The following COX15 variants were observed in gnomAD, a reference collection of about 807,000 sequenced individuals.
COX15 encodes heme A synthase COX15.
In COX15, 51 loss-of-function variants were observed where a neutral mutation model predicts 51.9. The observed-to-expected ratio is 0.98, with a 90% CI of 0.78 to 1.24. COX15 has a LOEUF of 1.24. COX15 is among the 50% of genes most tolerant of loss of function. The pLI is 0.00. For synonymous variants in COX15, 188 were observed against 190.5 expected, an observed-to-expected ratio of 0.99 and a Z score of 0.11; for missense variants, 420 against 501.1, an observed-to-expected ratio of 0.84 and a Z score of 1.55.
the COX15 span, among the ~76,000 whole-genome samples, chr10:99,694,352 G>A: frequency 3.3e-5 from 5 of 152,204 alleles, no homozygotes; most frequent in African/African-American, 7.2e-5. Context: ...CAGCCATCTC[G>A]TGGTATGGGT....
chr10:99,707,100 G>T (rs1485297917), downstream of COX15, among the ~76,000 whole-genome samples: 2 of 152,174 alleles, frequency 1.3e-5, no homozygotes, highest in African/African-American at 4.8e-5. Context: ...TTATAGTTGA[G>T]AATCTCAGGA....
At chr10:99,715,420 T>C (rs1486301384) in intron 8 of COX15, among the ~76,000 whole-genome samples, 4 of 152,242 alleles carry the variant, frequency 2.6e-5, no homozygotes, top group African/African-American at 9.6e-5. Flanking sequence ...ATTACAGGCG[T>C]GAGCCACTGT....
At chr10:99,699,167 A>C in the COX15 span, among the ~76,000 whole-genome samples, 1 of 152,134 alleles carries the variant, frequency 6.6e-6, no homozygotes, top group Non-Finnish European at 1.5e-5. Flanking sequence ...GTCTTGTTTA[A>C]TGTTTATGCC....
At chr10:99,701,100 CTAGATGG>C in the COX15 span, 5 of 1,465,408 alleles carry the variant, frequency 3.4e-6, no homozygotes, top group Non-Finnish European at 4.8e-6. Flanking sequence ...GACTTAAAAT[CTAGATGG>C]CAGATTATAA....
chr10:99,713,393 T>C lies in COX15; in HGVS notation c.*1194A>G. 6.2e-7 allele frequency: 1 copy of C among 1,613,940 alleles called. No homozygotes were observed. The highest frequency in any genetic ancestry group is 8.5e-7 in the Non-Finnish European group (1 of 1,179,970). ...ACTGTCATCTATTATATTAGCAATA[T>C]TGGGTTGCTCCATCCTCAAATCAGA... On this transcript the variant is annotated 3_prime_UTR_variant, in exon 9 of 9. Transcript: ENST00000016171.
Position 99,713,175 on chromosome 10 carries a change from C to T in COX15, c.*1412G>A. 7.3e-7 allele frequency: 1 copy of T among 1,365,896 alleles called. No individual in the cohort carries two copies. 84.6% of individuals were successfully genotyped at this position (1,365,896 alleles called of 1,614,324 possible). A position where few individuals can be genotyped will look rare whatever the true frequency, so the allele number is the denominator to read the frequency against. On this transcript the variant is annotated 3_prime_UTR_variant, in exon 9 of 9. Transcript: ENST00000016171. ...TAATTTTTCTGTTATCATATAATAACAACATGAATACTACTTGGTTCATAT... is the reference window on the plus strand; with the variant it reads ...TAATTTTTCTGTTATCATATAATAATAACATGAATACTACTTGGTTCATAT...
rs540618488 is a variant in COX15 at position 99,711,198 on chromosome 10, A to T, written c.*3389T>A. The T allele has an allele frequency of 4.1e-6, 4 of 985,404 alleles. No homozygotes were observed. In the African/African-American group the frequency reaches 7.0e-5, roughly 17 times the overall value. 61.0% of individuals were successfully genotyped at this position (985,404 alleles called of 1,614,324 possible). A position where few individuals can be genotyped will look rare whatever the true frequency, so the allele number is the denominator to read the frequency against. On this transcript the variant is annotated 3_prime_UTR_variant, in exon 9 of 9. Transcript: ENST00000016171. ...AGTTGTTTTTCCAAATGTACTCATCATCTGTAATAAAAGAAAAATGAAGTA... is the reference window on the plus strand; with the variant it reads ...AGTTGTTTTTCCAAATGTACTCATCTTCTGTAATAAAAGAAAAATGAAGTA...
chr10:99,701,314 G>C, the COX15 span, among the ~76,000 whole-genome samples: 1 of 149,686 alleles, frequency 6.7e-6, no homozygotes, highest in Non-Finnish European at 1.5e-5. Flanking sequence ...TTGAGACAGA[G>C]TCTCACTTTG....
intron 4 of COX15, among the ~76,000 whole-genome samples, chr10:99,724,676 G>C (rs888675716): frequency 6.6e-6 from 1 of 151,720 alleles, no homozygotes; most frequent in African/African-American, 2.4e-5. Flanking sequence ...GGCCACACTG[G>C]AAGAATTGTC....
intron 5 of COX15, 118 bp from the exon 6 acceptor site, chr10:99,721,186 G>C: frequency 6.5e-6 from 5 of 768,592 alleles, no homozygotes; most frequent in Non-Finnish European, 1.1e-5. Flanking sequence ...CTGACCCCTA[G>C]ACTAGGTTAA....
chr10:99,700,157 A>G, the COX15 span, among the ~76,000 whole-genome samples: 2 of 152,118 alleles, frequency 1.3e-5, no homozygotes, highest in South Asian at 4.2e-4. Context: ...CTTATCTCAA[A>G]ACTTCTTCAA....
Position 99,725,368 on chromosome 10 carries a change from C to T in COX15, c.583-1245G>A, listed in dbSNP as rs58831195. ...TTGATTCACTAGCCCACTTTCTTCT[C>T]CCATACCTTATCTGACATCTTTAAT... On this transcript the variant is annotated intron_variant, in intron 4 of 8. Coordinates refer to ENST00000016171, the MANE Select transcript of COX15 (RefSeq NM_078470.6). Among the ~76,000 whole-genome samples, 1,051 of 152,336 alleles carry T rather than the reference C, an allele frequency of 6.9e-3. 8 individuals carry two copies. The highest frequency in any genetic ancestry group is 0.02 in the Middle Eastern group (6 of 294).
At position 99,732,046 on chromosome 10, in the gene COX15, G is replaced by A; in HGVS notation, c.4C>T (p.Gln2Ter). The A allele has an allele frequency of 6.2e-7, 1 of 1,612,354 alleles. No homozygotes were observed. The highest frequency in any genetic ancestry group is 1.1e-5 in the South Asian group (1 of 90,640). ...CTCAACGGCGGAAAGAGCAATCGCT[G>A]CATACTGATGACAGGGAACAGCCAC... M[Q>*]RLLFPPLRAL... The change falls in exon 1 of 9, where the codon CAG becomes TAG. Residue 2 changes from glutamine (Q) to a stop codon, truncating the protein, a stop_gained. Coordinates refer to ENST00000016171, the MANE Select transcript of COX15 (RefSeq NM_078470.6). LOFTEE classifies it high-confidence loss of function.
At position 99,713,536 on chromosome 10, in the gene COX15, T is replaced by C; in HGVS notation, c.*1051A>G. The C allele has an allele frequency of 6.4e-7, 1 of 1,570,614 alleles. No individual in the cohort carries two copies. The highest frequency in any genetic ancestry group is 8.6e-7 in the Non-Finnish European group (1 of 1,157,180). ...TTAATTCAGCAGTCAACAATTTGTT[T>C]ATCTGGGTAGATGTCCATGCACTAC... is the stretch of plus-strand genomic sequence containing the variant. On this transcript the variant is annotated 3_prime_UTR_variant, in exon 9 of 9. Transcript: ENST00000016171.
chr10:99,698,664 TCTTGTGGGG>T, the COX15 span: 1 of 1,614,156 alleles, frequency 6.2e-7, no homozygotes, highest in South Asian at 1.1e-5. Flanking sequence ...AGACTGGGTG[TCTTGTGGGG>T]CAATGCTGAG....
Position 99,713,299 on chromosome 10 carries a change from A to G in COX15, c.*1288T>C. On this transcript the variant is annotated 3_prime_UTR_variant, in exon 9 of 9. Transcript: ENST00000016171. ...TTATACAACTTATTTAATTTAAATG[A>G]GTATGTTACATTTCTAATCTGTTTA... is the stretch of plus-strand genomic sequence containing the variant. 6.4e-7 allele frequency: 1 copy of G among 1,561,972 alleles called. No homozygotes were observed. The highest frequency in any genetic ancestry group is 2.3e-5 in the East Asian group (1 of 44,408).
At chr10:99,720,143 G>A (rs1282272030) in intron 6 of COX15, among the ~76,000 whole-genome samples, 1 of 152,192 alleles carries the variant, frequency 6.6e-6, no homozygotes, top group Non-Finnish European at 1.5e-5. Context: ...TGGTGGAAGT[G>A]TGGGTTAAAG....
the COX15 span, chr10:99,704,807 C>T: frequency 1.1e-6 from 1 of 880,186 alleles, no homozygotes; most frequent in Non-Finnish European, 1.7e-6. Context: ...CTTGGAATTT[C>T]TACTTTACTT....
chr10:99,716,379 G>A lies in COX15; in HGVS notation c.1070C>T (p.Ala357Val), dbSNP rs774035339. Residue 357 changes from alanine to valine, a missense_variant, in exon 8 of 9, where the codon GCA becomes GTA. By Grantham distance (64) the Ala-to-Val change is moderately conservative. Transcript: ENST00000016171. ...IPLPRRTKMA[A>V]VTLLALAYTQ... ...ATACGCCAAAGCCAGCAGAGTCACTGCTGCCATCTTGGTCCTTCTAGGAAG... is the reference window on the plus strand; with the variant it reads ...ATACGCCAAAGCCAGCAGAGTCACTACTGCCATCTTGGTCCTTCTAGGAAG... 4 of 1,613,820 alleles carry A rather than the reference G, an allele frequency of 2.5e-6. No individual in the cohort carries two copies. The highest frequency in any genetic ancestry group is 2.7e-5 in the African/African-American group (2 of 75,014).
Sources: allele counts gnomAD v4.1 joint callset (sites outside exome capture counted in the v4.1 genomes callset), GRCh38; gene constraint gnomAD v4.1.1; transcripts MANE v1.5; gene names NCBI Gene and HGNC (gene_info 2026-07-23, HGNC 2026-07-21).